ENGASE: variants seen among roughly 807,000 people sequenced by gnomAD.
ENGASE encodes the protein cytosolic endo-beta-N-acetylglucosaminidase.
A neutral mutation model predicts 78.5 loss-of-function variants in ENGASE; 69 were observed. The observed-to-expected ratio is 0.88, with a 90% CI of 0.72 to 1.07. The LOEUF is 1.07. Among genes scored for constraint, ENGASE ranks in the 50% least tolerant of loss-of-function variants. ENGASE has a pLI of 0.00. For missense variants in ENGASE, 943 were observed against 988.4 expected, an observed-to-expected ratio of 0.95 and a Z score of 0.62; for synonymous variants, 408 against 408.9, an observed-to-expected ratio of 1.00 and a Z score of 0.03.
rs559902639 is a variant in ENGASE, at chr17:79,086,956, G to C, written c.*607G>C. 7.1e-5 allele frequency: 35 copies of C among 493,256 alleles called. No homozygotes were observed. The highest frequency in any genetic ancestry group is 5.2e-4 in the South Asian group (35 of 67,332). The allele number at this position is 493,256 out of a possible 1,614,324, so 30.6% of individuals were successfully genotyped here. Reference sequence around the variant, plus strand: ...GCCGGCGCTGGCTTCGTGCCTCCACGTGGGCCAGCCCCAGCTGCTCCGTGT... The same window carrying C: ...GCCGGCGCTGGCTTCGTGCCTCCACCTGGGCCAGCCCCAGCTGCTCCGTGT... On this transcript the variant is annotated 3_prime_UTR_variant, in exon 14 of 14. Coordinates refer to ENST00000579016, the MANE Select transcript of ENGASE (RefSeq NM_001042573.3).
Position 79,085,875 on chromosome 17 carries a change from G to C in ENGASE, c.1816-58G>C, listed in dbSNP as rs1381073337. On this transcript the variant is annotated intron_variant, in intron 13 of 13. Coordinates refer to ENST00000579016, the MANE Select transcript of ENGASE (RefSeq NM_001042573.3). ...GTCAGGGAGGGGAAATGTGTGCGTG[G>C]GGGCACCCTCTCCCCGCCCCCGGGC... is the stretch of plus-strand genomic sequence containing the variant. The C allele has an allele frequency of 3.8e-6, 6 of 1,575,504 alleles. No individual in the cohort carries two copies. The African/African-American group carries it at 5.4e-5, about 14-fold the overall frequency.
Position 79,083,710 on chromosome 17 carries a change from C to A in ENGASE, c.1252-51C>A. On this transcript the variant is annotated intron_variant, in intron 9 of 13. Transcript: ENST00000579016. The surrounding 1 kb of genome is among the most constrained non-coding windows in gnomAD (Gnocchi z 4.9). ...TACCCTTCCCTGCCGCTCCGGGCAC[C>A]CCTGCTCTGTTGGCCTCTGCTGAGT... 6.3e-7 allele frequency: 1 copy of A among 1,581,620 alleles called. No individual in the cohort carries two copies. The highest frequency in any genetic ancestry group is 1.7e-5 in the Admixed American group (1 of 57,778).
intron 7 of ENGASE, chr17:79,082,711 C>T (rs2073176961): frequency 7.3e-7 from 1 of 1,373,658 alleles, no homozygotes; most frequent in Non-Finnish European, 9.6e-7. Context: ...GCCCGTGATT[C>T]TGATAATCGA....
In ENGASE at chr17:79,074,976, C is replaced by G; in HGVS notation, c.32C>G (p.Ser11Trp). The stretch of plus-strand genomic sequence containing the variant: ...GCCGCGGCGGTGACGGTCACCCGGT[C>G]GGCTACACGGCGGCGGCGGCGGCAG... Reference protein sequence around the residue: MEAAAVTVTRSATRRRRRQLQ... With the variant: MEAAAVTVTRWATRRRRRQLQ... Residue 11 changes from serine to tryptophan, a missense_variant, in exon 1 of 14, where the codon TCG (serine) becomes TGG (tryptophan). Ser to Trp is a radical substitution (Grantham distance 177, BLOSUM62 -3). Coordinates refer to ENST00000579016, the MANE Select transcript of ENGASE (RefSeq NM_001042573.3). 8.1e-7 allele frequency: 1 copy of G among 1,240,676 alleles called. No homozygotes were observed. 76.9% of individuals were successfully genotyped at this position (1,240,676 alleles called of 1,614,324 possible). A position where few individuals can be genotyped will look rare whatever the true frequency, so the allele number is the denominator to read the frequency against.
At chr17:79,075,508 G>C (rs1045223877) in intron 1 of ENGASE, among the ~76,000 whole-genome samples, 2 of 152,262 alleles carry the variant, frequency 1.3e-5, no homozygotes, top group Non-Finnish European at 2.9e-5. Context: ...CACTAGAACT[G>C]AGTCTTTGGG....
In ENGASE at chr17:79,083,794, G is replaced by T. The variant is rs201055219; in HGVS notation, c.1285G>T (p.Ala429Ser). 6.2e-7 allele frequency: 1 copy of T among 1,612,038 alleles called. No homozygotes were observed. The highest frequency in any genetic ancestry group is 8.5e-7 in the Non-Finnish European group (1 of 1,179,260). The change falls in exon 10 of 14, where the codon GCC becomes TCC. Residue 429 changes from alanine (A) to serine (S), a missense_variant. By Grantham distance (99) the Ala-to-Ser change is moderately conservative (BLOSUM62 1). Coordinates refer to ENST00000579016, the MANE Select transcript of ENGASE (RefSeq NM_001042573.3). The surrounding 1 kb of genome is among the most constrained non-coding windows in gnomAD (Gnocchi z 4.9). ...GGTAGGGCCCTGGTACCACCTGAGC[G>T]CCCAGGAGATCCAGCCCTTGTTTGG... Reference protein sequence around the residue: ...EAVGPWYHLSAQEIQPLFGEH... With the variant: ...EAVGPWYHLSSQEIQPLFGEH...
At position 79,081,945 on chromosome 17, in the gene ENGASE, G is replaced by T; in HGVS notation, c.920G>T (p.Arg307Leu). The T allele has an allele frequency of 6.2e-7, 1 of 1,614,138 alleles. No homozygotes were observed. Among genetic ancestry groups the T allele is most frequent in the Non-Finnish European group, 8.5e-7 (1 of 1,180,020 alleles). The change falls in exon 7 of 14, where the codon CGG becomes CTG. Residue 307 changes from arginine to leucine, a missense_variant. Arg to Leu is a moderately radical substitution (Grantham distance 102). Transcript: ENST00000579016. ...GGCTTCTTCACTAACTATAACTGGC[G>T]GGAGGAGCACTTGGAGCGGATGCTG... The part of the protein sequence containing the change: ...CDGFFTNYNW[R>L]EEHLERMLGQ...
In ENGASE at chr17:79,085,711, A is replaced by T; in HGVS notation, c.1792A>T (p.Thr598Ser). 1 of 1,613,588 alleles carries T rather than the reference A, an allele frequency of 6.2e-7. No individual in the cohort carries two copies. The stretch of plus-strand genomic sequence containing the variant: ...GGGTAGTCGGGAGGAGGAGAGCTTC[A>T]CCTGTCGGCTTGGAGAGATCCAGGT... Reference protein sequence around the residue: ...PPGSREEESFTCRLGEIQVVD... With the variant: ...PPGSREEESFSCRLGEIQVVD... The change falls in exon 13 of 14, where the codon ACC becomes TCC. Residue 598 changes from threonine (T) to serine (S), a missense_variant. Thr to Ser is a moderately conservative substitution (Grantham distance 58). Transcript: ENST00000579016.
chr17:79,080,661 C>T (rs1964336327), intron 5 of ENGASE, among the ~76,000 whole-genome samples: 1 of 152,220 alleles, frequency 6.6e-6, no homozygotes, highest in Non-Finnish European at 1.5e-5. Flanking sequence ...GTGTGGCTTC[C>T]TTCTCAGGGC....
In ENGASE at chr17:79,085,980, C is replaced by T. The variant is rs755770935; in HGVS notation, c.1863C>T (p.Ala621=). ...TGGCCCCTCTGCCCCAGGTGCAGGC[C>T]GTCACCATCTCTCACATCCGCTGGC... ...SLLAPLPQVQ[A]VTISHIRWQP... Residue 621 remains alanine (A), a synonymous_variant, in exon 14 of 14, where the codon GCC becomes GCT. Coordinates refer to ENST00000579016, the MANE Select transcript of ENGASE (RefSeq NM_001042573.3). The T allele has an allele frequency of 1.2e-5, 20 of 1,608,090 alleles. No homozygotes were observed. Among genetic ancestry groups the T allele is most frequent in the South Asian group, 5.5e-5 (5 of 91,028 alleles).
chr17:79,079,550 G>A lies in ENGASE; in HGVS notation c.478G>A (p.Val160Ile), dbSNP rs538416262. 1.1e-5 allele frequency: 17 copies of A among 1,614,068 alleles called. No individual in the cohort carries two copies. The highest frequency in any genetic ancestry group is 1.7e-4 in the Middle Eastern group (1 of 6,060). ...YAFYHWQCID[V>I]FVYFSHHTVT... is the part of the protein sequence containing the mutation. ...TTTCTACCACTGGCAGTGCATCGAC[G>A]TCTTTGTGTACTTCAGCCACCACAC... The change falls in exon 4 of 14, where the codon GTC (valine) becomes ATC (isoleucine). Residue 160 changes from valine (V) to isoleucine (I), a missense_variant. Transcript: ENST00000579016.
rs1166689866 is a variant in ENGASE at position 79,086,366 on chromosome 17, G to A, written c.*17G>A. The A allele has an allele frequency of 2.5e-6, 4 of 1,599,550 alleles. No homozygotes were observed. Among genetic ancestry groups the A allele is most frequent in the Non-Finnish European group, 3.4e-6 (4 of 1,171,522 alleles). ...CCTGCATGAGCGGATGCTAAGGCCGGGTGGTCTCCTGGCCTCGGGCTGAGG... is the reference window on the plus strand; with the variant it reads ...CCTGCATGAGCGGATGCTAAGGCCGAGTGGTCTCCTGGCCTCGGGCTGAGG... On this transcript the variant is annotated 3_prime_UTR_variant, in exon 14 of 14. Coordinates refer to ENST00000579016, the MANE Select transcript of ENGASE (RefSeq NM_001042573.3).
chr17:79,086,266 G>T lies in ENGASE; in HGVS notation c.2149G>T (p.Val717Leu), dbSNP rs1201202719. ...PGQDRRMEFL[V>L]EPVPKEGFRV... ...CCAGGATCGTCGCATGGAATTTCTG[G>T]TGGAGCCTGTCCCCAAGGAAGGGTT... is the stretch of plus-strand genomic sequence containing the variant. Residue 717 changes from valine to leucine, a missense_variant, in exon 14 of 14, where the codon GTG (valine) becomes TTG (leucine). Transcript: ENST00000579016. The T allele has an allele frequency of 3.1e-6, 5 of 1,613,656 alleles. No individual in the cohort carries two copies. The South Asian group carries it at 5.5e-5, about 18-fold the overall frequency.
chr17:79,081,803 G>A (rs1159946675), intron 6 of ENGASE, 95 bp from the exon 7 acceptor site: 6 of 1,471,070 alleles, frequency 4.1e-6, no homozygotes, highest in Non-Finnish European at 5.4e-6. Context: ...ATCCCTCTGA[G>A]TACTAGGAGG....
chr17:79,083,290 A>C lies in ENGASE; in HGVS notation c.1142+167A>C. On this transcript the variant is annotated intron_variant, in intron 8 of 13. Transcript: ENST00000579016. The surrounding 1 kb of genome is among the most constrained non-coding windows in gnomAD (Gnocchi z 4.9). ...GCACCCTGGCTGCTTCCGGGCAGGG[A>C]CCAAACCCAGCGGCCGCTTCCTGCA... 1.4e-6 allele frequency: 1 copy of C among 713,252 alleles called. No individual in the cohort carries two copies. The allele number at this position is 713,252 out of a possible 1,614,324, so 44.2% of individuals were successfully genotyped here. A position where few individuals can be genotyped will look rare whatever the true frequency, so the allele number is the denominator to read the frequency against.
chr17:79,086,139 G>A lies in ENGASE; in HGVS notation c.2022G>A (p.Pro674=), dbSNP rs770056760. ...GGGGAGGGATGAGTGATGACTCTCC[G>A]GGCAGGGAGCTGCCGAGGCCAGAGA... ...HCWGGMSDDS[P]GRELPRPEMP... is the part of the protein sequence containing the mutation. The change falls in exon 14 of 14, where the codon CCG becomes CCA. Residue 674 remains proline (P), a synonymous_variant. Coordinates refer to ENST00000579016, the MANE Select transcript of ENGASE (RefSeq NM_001042573.3). 78 of 1,613,632 alleles carry A rather than the reference G, an allele frequency of 4.8e-5. No homozygotes were observed. The South Asian group carries it at 5.0e-4, about 10-fold the overall frequency.
At position 79,080,245 on chromosome 17, in the gene ENGASE, T is replaced by C; in HGVS notation, c.604T>C (p.Cys202Arg). Residue 202 changes from cysteine to arginine, a missense_variant, in exon 5 of 14, where the codon TGT becomes CGT. Cys to Arg is a radical substitution (Grantham distance 180). Transcript: ENST00000579016. The part of the protein sequence containing the change: ...ITEWNEGGRL[C>R]EAFLAGDERS... ...GGAGTGGAATGAAGGGGGAAGGCTC[T>C]GTGAAGCCTTCCTGGCCGGGGATGA... The C allele has an allele frequency of 6.2e-7, 1 of 1,612,792 alleles. No individual in the cohort carries two copies. Among genetic ancestry groups the C allele is most frequent in the Non-Finnish European group, 8.5e-7 (1 of 1,179,162 alleles).
intron 6 of ENGASE, among the ~76,000 whole-genome samples, chr17:79,081,480 C>T (rs1423940369): frequency 3.3e-5 from 5 of 151,996 alleles, no homozygotes; most frequent in African/African-American, 9.7e-5. Context: ...CCAGCCTGAG[C>T]GACAGAGCGA....
intron 5 of ENGASE, 111 bp from the exon 6 acceptor site, chr17:79,080,814 C>T (rs879200196): frequency 2.1e-5 from 30 of 1,422,822 alleles, no homozygotes; most frequent in Middle Eastern, 2.4e-4. Flanking sequence ...ACTGCAGCTT[C>T]GCCTGTGGGT....
Sources: allele counts gnomAD v4.1 joint callset (sites outside exome capture counted in the v4.1 genomes callset), GRCh38; gene constraint gnomAD v4.1.1; non-coding constraint Gnocchi (gnomAD v3.1); transcripts MANE v1.5; gene names NCBI Gene and HGNC (gene_info 2026-07-23, HGNC 2026-07-21).